ZFAT: variants seen among roughly 807,000 people sequenced by gnomAD.
ZFAT encodes the protein zinc finger and AT-hook domain containing.
Under a neutral mutation model 117.7 loss-of-function variants are expected in ZFAT, and 64 were observed. That is an observed-to-expected ratio of 0.54 (90% CI 0.44 to 0.67). The LOEUF is 0.67. Ranked by LOEUF, ZFAT falls within the 30% of genes least tolerant of loss-of-function variation. ZFAT has a pLI of 0.00. For synonymous variants in ZFAT, 679 were observed against 615.0 expected (o/e 1.10, Z -1.54); for missense variants, 1,433 against 1,584.5 (o/e 0.90, Z 1.62).
At chr8:134,639,990 C>G (rs923759782) in intron 2 of ZFAT, 1 of 350,498 alleles carries the variant, frequency 2.9e-6, no homozygotes, top group Non-Finnish European at 5.6e-6. Flanking sequence ...GATTTCTAGG[C>G]CCCCGGATGT....
At chr8:134,582,041 GA>G (rs1825748716) in intron 10 of ZFAT, among the ~76,000 whole-genome samples, 1 of 152,198 alleles carries the variant, frequency 6.6e-6, no homozygotes, top group Non-Finnish European at 1.5e-5. Context: ...CATAATGTTT[GA>G]ATACCATTCC....
At chr8:134,772,558 G>A in the ZFAT span, among the ~76,000 whole-genome samples, 1 of 152,194 alleles carries the variant, frequency 6.6e-6, no homozygotes, top group Non-Finnish European at 1.5e-5. Flanking sequence ...GTTTGTTAAT[G>A]AGGGCTTAAA....
chr8:134,503,935 C>T lies in ZFAT; in HGVS notation c.3492+5684G>A, dbSNP rs897788609. On this transcript the variant is annotated intron_variant, in intron 15 of 15. Coordinates refer to ENST00000377838, the MANE Select transcript of ZFAT (RefSeq NM_020863.4). ...ACACAAACACACACACACACACACG[C>T]ACACGCACACGAACACACACACACC... Among the ~76,000 whole-genome samples the T allele has an allele frequency of 2.8e-5, 4 of 144,634 alleles. No individual in the cohort carries two copies. The Admixed American group carries it at 2.8e-4, about 10-fold the overall frequency. The allele number at this position is 144,634 out of a possible 152,430, so 94.9% of individuals were successfully genotyped here. A position where few individuals can be genotyped will look rare whatever the true frequency, so the allele number is the denominator to read the frequency against.
chr8:134,548,083 C>T (rs1279942887), intron 11 of ZFAT, among the ~76,000 whole-genome samples: 8 of 152,222 alleles, frequency 5.3e-5, no homozygotes, highest in Non-Finnish European at 1.0e-4. Flanking sequence ...CAGAGTCCTA[C>T]TTCCACCTGG....
At chr8:134,488,176 T>C (rs1817788207) in intron 15 of ZFAT, among the ~76,000 whole-genome samples, 1 of 152,224 alleles carries the variant, frequency 6.6e-6, no homozygotes, top group Non-Finnish European at 1.5e-5. Flanking sequence ...TGCTACTCAG[T>C]GGGGCCTTCA....
the ZFAT span, chr8:134,784,074 C>T: frequency 6.6e-6 from 1 of 152,188 alleles, no homozygotes; most frequent in African/African-American, 2.4e-5. Flanking sequence ...TAAACAAAGG[C>T]CTTGCATCAG....
chr8:134,543,297 CAGA>C (rs1376486991), intron 11 of ZFAT, among the ~76,000 whole-genome samples: 2 of 150,556 alleles, frequency 1.3e-5, no homozygotes, highest in East Asian at 3.9e-4. Flanking sequence ...AGTTACTGCA[CAGA>C]AGAAGAGATG....
intron 5 of ZFAT, among the ~76,000 whole-genome samples, chr8:134,607,490 C>G (rs911950553): frequency 6.6e-6 from 1 of 152,182 alleles, no homozygotes; most frequent in African/African-American, 2.4e-5. Context: ...ATGTTAGATG[C>G]AAAGTAACGT....
intron 3 of ZFAT, among the ~76,000 whole-genome samples, chr8:134,636,020 C>T (rs1830190449): frequency 6.6e-6 from 1 of 152,150 alleles, no homozygotes; most frequent in South Asian, 2.1e-4. Flanking sequence ...CTTGAGAGTT[C>T]TTTATGAGAG....
chr8:134,727,855 A>G, the ZFAT span, among the ~76,000 whole-genome samples: 1 of 152,244 alleles, frequency 6.6e-6, no homozygotes, highest in Non-Finnish European at 1.5e-5. Flanking sequence ...CCAAGTAGGA[A>G]GTGAGATTTG....
chr8:134,483,788 T>A lies in ZFAT; in HGVS notation c.3493-5067A>T, dbSNP rs538833118. Among the ~76,000 whole-genome samples, 3 of 152,340 alleles carry A rather than the reference T, an allele frequency of 2.0e-5. No homozygotes were observed. In the East Asian group the frequency reaches 5.8e-4, roughly 29 times the overall value. ...TTCTGGAGTCTGGACAAGATCACTG[T>A]CAGGACCGGCACTTTGCTGGGCTCT... On this transcript the variant is annotated intron_variant, in intron 15 of 15. Transcript: ENST00000377838.
chr8:134,488,967 G>A (rs1021176018), intron 15 of ZFAT, among the ~76,000 whole-genome samples: 1 of 122,258 alleles, frequency 8.2e-6, no homozygotes, highest in African/African-American at 3.1e-5. Flanking sequence ...GATGCAATGA[G>A]ATTCAGTAGA....
chr8:134,688,786 C>T (rs1833459168), intron 1 of ZFAT, among the ~76,000 whole-genome samples: 1 of 152,192 alleles, frequency 6.6e-6, no homozygotes, highest in Non-Finnish European at 1.5e-5. Flanking sequence ...ATCCTCAACC[C>T]ATCAAGAGAA....
At chr8:134,635,338 A>G (rs1055839655) in intron 3 of ZFAT, among the ~76,000 whole-genome samples, 4 of 152,222 alleles carry the variant, frequency 2.6e-5, no homozygotes, top group African/African-American at 9.6e-5. Flanking sequence ...CAAAGAGCAA[A>G]GTCTCTGATT....
intron 2 of ZFAT, among the ~76,000 whole-genome samples, chr8:134,655,801 T>C (rs919130040): frequency 1.3e-5 from 2 of 152,240 alleles, no homozygotes; most frequent in Non-Finnish European, 2.9e-5. Flanking sequence ...CGATCTGCCA[T>C]ATGAATTGGA....
At chr8:134,639,582 A>G (rs1285289035) in intron 2 of ZFAT, among the ~76,000 whole-genome samples, 2 of 152,232 alleles carry the variant, frequency 1.3e-5, no homozygotes, top group African/African-American at 2.4e-5. Context: ...CTGTGTTTAC[A>G]GGAGAACCAG....
At chr8:134,558,569 C>A (rs1160434849) in intron 11 of ZFAT, among the ~76,000 whole-genome samples, 2 of 152,090 alleles carry the variant, frequency 1.3e-5, no homozygotes, top group Non-Finnish European at 2.9e-5. Flanking sequence ...ATAAAAAATA[C>A]AATATAACAC....
chr8:134,584,793 G>A (rs55817440), intron 9 of ZFAT, among the ~76,000 whole-genome samples: 1 of 147,988 alleles, frequency 6.8e-6, no homozygotes, highest in Non-Finnish European at 1.5e-5. Context: ...GGGGCCGGGG[G>A]AAGGGGAAAG....
At chr8:134,634,419 A>G (rs1311040082) in intron 3 of ZFAT, among the ~76,000 whole-genome samples, 1 of 152,250 alleles carries the variant, frequency 6.6e-6, no homozygotes, top group Non-Finnish European at 1.5e-5. Flanking sequence ...TAAAAACTAA[A>G]ACAAACAAAA....
Sources: allele counts gnomAD v4.1 joint callset (sites outside exome capture counted in the v4.1 genomes callset), GRCh38; gene constraint gnomAD v4.1.1; transcripts MANE v1.5; gene names NCBI Gene and HGNC (gene_info 2026-07-23, HGNC 2026-07-21).